The following ANKRD33 variants were observed in gnomAD, a reference collection of about 807,000 sequenced individuals.
The protein encoded by ANKRD33 is ankyrin repeat domain 33.
In ANKRD33, 20 loss-of-function variants were observed where a neutral mutation model predicts 20.6. The ratio of observed to expected loss-of-function variants is 0.97; its 90% CI spans 0.68 to 1.41. The LOEUF (loss-of-function observed/expected upper bound fraction) is 1.41, where lower values mean the gene tolerates loss of function less well. Ranked by LOEUF, ANKRD33 falls within the 40% of genes most tolerant of loss-of-function variation. ANKRD33 has a pLI of 0.00. For synonymous variants in ANKRD33, 246 were observed against 245.0 expected, an observed-to-expected ratio of 1.00 and a Z score of -0.04; for missense variants, 545 against 579.6, an observed-to-expected ratio of 0.94 and a Z score of 0.61.
Position 51,890,820 on chromosome 12 carries a change from A to G in ANKRD33, c.874A>G (p.Ser292Gly), listed in dbSNP as rs772200555. 2 of 1,610,180 alleles carry G rather than the reference A, an allele frequency of 1.2e-6. No homozygotes were observed. Among genetic ancestry groups the G allele is most frequent in the South Asian group, 2.2e-5 (2 of 90,974 alleles). Residue 292 changes from serine to glycine, a missense_variant, in exon 5 of 5, where the codon AGC becomes GGC. Transcript: ENST00000301190. ...SLLERLQATL[S>G]LPFAPSPQEG... is the part of the protein sequence containing the mutation. Reference sequence around the variant, plus strand: ...CCTAGAACGGCTGCAGGCTACCTTGAGCCTCCCCTTTGCCCCGTCTCCTCA... The same window carrying G: ...CCTAGAACGGCTGCAGGCTACCTTGGGCCTCCCCTTTGCCCCGTCTCCTCA...
At position 51,888,294 on chromosome 12, in the gene ANKRD33, C is replaced by T. The variant is rs79384471; in HGVS notation, c.108C>T (p.Pro36=). Residue 36 remains proline, a synonymous_variant, in exon 1 of 5, where the codon CCC becomes CCT. Transcript: ENST00000301190. The part of the protein sequence containing the change: ...VIVLRGAWAV[P]RVDCLIDTLR... ...TGCTCCGCGGAGCCTGGGCTGTGCC[C>T]CGCGTTGACTGCCTCATAGATACCC... The T allele has an allele frequency of 1.2e-6, 2 of 1,614,180 alleles. No homozygotes were observed. Among genetic ancestry groups the T allele is most frequent in the South Asian group, 1.1e-5 (1 of 91,090 alleles).
chr12:51,888,412 T>G, intron 1 of ANKRD33, 81 bp downstream of exon 1: 1 of 1,592,762 alleles, frequency 6.3e-7, no homozygotes, highest in Admixed American at 1.8e-5. Context: ...TTAGGGCTCC[T>G]GACCCAGCGC....
In ANKRD33 at chr12:51,891,222, C is replaced by T. The variant is rs375882865; in HGVS notation, c.1276C>T (p.Leu426=). ...PKPSPSGHQS[L]ALPLWRYQEL... is the part of the protein sequence containing the mutation. ...GCCCAGTCCTTCAGGACACCAAAGT[C>T]TGGCCCTTCCTCTCTGGCGATACCA... The change falls in exon 5 of 5, where the codon CTG becomes TTG. Residue 426 remains leucine (L), a synonymous_variant. Transcript: ENST00000301190. The T allele has an allele frequency of 1.2e-6, 2 of 1,614,264 alleles. No individual in the cohort carries two copies. The highest frequency in any genetic ancestry group is 2.7e-5 in the African/African-American group (2 of 75,066).
Position 51,891,236 on chromosome 12 carries a change from C to A in ANKRD33, c.1290C>A (p.Leu430=). The A allele has an allele frequency of 6.2e-7, 1 of 1,614,252 alleles. No individual in the cohort carries two copies. The highest frequency in any genetic ancestry group is 1.1e-5 in the South Asian group (1 of 91,088). Residue 430 remains leucine (L), a synonymous_variant, in exon 5 of 5, where the codon CTC becomes CTA. Transcript: ENST00000301190. ...PSGHQSLALP[L]WRYQELRIEK... ...GACACCAAAGTCTGGCCCTTCCTCT[C>A]TGGCGATACCAGGAGCTCAGGATAG...
chr12:51,888,375 T>G, intron 1 of ANKRD33, 44 bp downstream of exon 1: 1 of 1,612,120 alleles, frequency 6.2e-7, no homozygotes. Context: ...CTCACTGGGG[T>G]GCTGACCTAG....
In ANKRD33 at chr12:51,889,491, G is replaced by A. The variant is rs745430001; in HGVS notation, c.637+9G>A. ...TGCCATGCGGAACCGCTGTGAGTGC[G>A]TGGCCACCCTCCTCATGGCAGGTGT... On this transcript the variant is annotated intron_variant, in intron 4 of 4. Coordinates refer to ENST00000301190, the MANE Select transcript of ANKRD33 (RefSeq NM_182608.4). 9.9e-6 allele frequency: 16 copies of A among 1,613,154 alleles called. No individual in the cohort carries two copies. The highest frequency in any genetic ancestry group is 5.5e-5 in the South Asian group (5 of 90,994).
intron 4 of ANKRD33, 54 bp downstream of exon 4, chr12:51,889,536 G>A: frequency 6.3e-7 from 1 of 1,595,730 alleles, no homozygotes; most frequent in East Asian, 2.3e-5. Flanking sequence ...GGACCGGGGT[G>A]TGTGGCCTCC....
In ANKRD33 at chr12:51,888,809, C is replaced by T. The variant is rs2139034999; in HGVS notation, c.387C>T (p.Ser129=). 6.2e-7 allele frequency: 1 copy of T among 1,613,296 alleles called. No homozygotes were observed. Among genetic ancestry groups the T allele is most frequent in the Non-Finnish European group, 8.5e-7 (1 of 1,179,920 alleles). Residue 129 remains serine (S), a synonymous_variant, in exon 2 of 5, where the codon AGC becomes AGT. Coordinates refer to ENST00000301190, the MANE Select transcript of ANKRD33 (RefSeq NM_182608.4). The part of the protein sequence containing the change: ...VSPEEATQVD[S]NGRTGLMVAC... ...CAGAGGAGGCCACCCAGGTGGACAG[C>T]AATGGGAGGGTGAGATGTCCTGGCT...
chr12:51,890,799 G>A lies in ANKRD33; in HGVS notation c.853G>A (p.Glu285Lys), dbSNP rs1678769156. ...GGCCCAGGTTGCCCCTTCACTCCTA[G>A]AACGGCTGCAGGCTACCTTGAGCCT... ...AQAQVAPSLL[E>K]RLQATLSLPF... Residue 285 changes from glutamate (E) to lysine (K), a missense_variant, in exon 5 of 5, where the codon GAA (glutamate) becomes AAA (lysine). Transcript: ENST00000301190. The A allele has an allele frequency of 1.9e-6, 3 of 1,607,270 alleles. No individual in the cohort carries two copies. In the South Asian group the frequency reaches 3.3e-5, roughly 18 times the overall value.
intron 4 of ANKRD33, chr12:51,889,775 A>C: frequency 2.0e-6 from 1 of 497,464 alleles, no homozygotes; most frequent in Non-Finnish European, 3.4e-6. Flanking sequence ...TGGAAAATCT[A>C]ACACGAAAAA....
At chr12:51,889,849 G>C (rs930332566) in intron 4 of ANKRD33, 4 of 298,490 alleles carry the variant, frequency 1.3e-5, no homozygotes, top group African/African-American at 8.7e-5. Flanking sequence ...GGCCTCACCA[G>C]TATTGTGAGG....
chr12:51,889,569 A>T (rs1408270845), intron 4 of ANKRD33, 87 bp downstream of exon 4: 1 of 1,528,108 alleles, frequency 6.5e-7, no homozygotes, highest in African/African-American at 1.4e-5. Flanking sequence ...AAGCCTTCCC[A>T]CCAGACACTA....
At position 51,891,100 on chromosome 12, in the gene ANKRD33, AG is replaced by A; in HGVS notation, c.1155del (p.Gln385HisfsTer54). 6.2e-7 allele frequency: 1 copy of A among 1,613,564 alleles called. No homozygotes were observed. Among genetic ancestry groups the A allele is most frequent in the Non-Finnish European group, 8.5e-7 (1 of 1,179,896 alleles). On this transcript the variant is annotated frameshift_variant, in exon 5 of 5. Transcript: ENST00000301190. LOFTEE classifies it low-confidence loss of function (END_TRUNC). Reference protein sequence around the residue: ...SPQGILSKCLQWLQPRDSTSP... With the variant: ...SPQGILSKCLXWLQPRDSTSP... ...CAGGGCATATTGAGCAAGTGCCTTC[AG>A]TGGCTACAACCCAGGGATAGCACCA...
chr12:51,891,424 C>T lies in ANKRD33; in HGVS notation c.*119C>T. 2.2e-6 allele frequency: 3 copies of T among 1,354,482 alleles called. No individual in the cohort carries two copies. The African/African-American group carries it at 4.5e-5, about 20-fold the overall frequency. 83.9% of individuals were successfully genotyped at this position (1,354,482 alleles called of 1,614,324 possible). A position where few individuals can be genotyped will look rare whatever the true frequency, so the allele number is the denominator to read the frequency against. On this transcript the variant is annotated 3_prime_UTR_variant, in exon 5 of 5. Coordinates refer to ENST00000301190, the MANE Select transcript of ANKRD33 (RefSeq NM_182608.4). ...TCTGCCTAAGTAAATCTGCTCTCAA[C>T]CTATATATATACAAGGTCATTCATT...
chr12:51,888,904 C>G, intron 2 of ANKRD33, 86 bp downstream of exon 2: 3 of 1,594,222 alleles, frequency 1.9e-6, no homozygotes, highest in Non-Finnish European at 2.6e-6. Flanking sequence ...GAGAGGGGTT[C>G]AGGGGCAATA....
In ANKRD33 at chr12:51,891,507, G is replaced by C; in HGVS notation, c.*202G>C. On this transcript the variant is annotated 3_prime_UTR_variant, in exon 5 of 5. Transcript: ENST00000301190. ...ACACCCGAAGTGTCCATCAGTAAGG[G>C]ACAGGCTAGATTGATTACGGATGTA... is the stretch of plus-strand genomic sequence containing the variant. The C allele has an allele frequency of 1.2e-6, 1 of 850,220 alleles. No homozygotes were observed. The highest frequency in any genetic ancestry group is 1.9e-5 in the South Asian group (1 of 53,570). 52.7% of individuals were successfully genotyped at this position (850,220 alleles called of 1,614,324 possible).
rs762391609 is a variant in ANKRD33, at chr12:51,890,729, C to T, written c.783C>T (p.Pro261=). Reference sequence around the variant, plus strand: ...AGCAGCTTAGCCAGCACTACAAGCCCGAGTGGCCGGCCTTGTCCGGGCTCG... The same window carrying T: ...AGCAGCTTAGCCAGCACTACAAGCCTGAGTGGCCGGCCTTGTCCGGGCTCG... The part of the protein sequence containing the change: ...QVEQLSQHYK[P]EWPALSGLVA... The change falls in exon 5 of 5, where the codon CCC becomes CCT. Residue 261 remains proline (P), a synonymous_variant. Coordinates refer to ENST00000301190, the MANE Select transcript of ANKRD33 (RefSeq NM_182608.4). 12 of 1,603,908 alleles carry T rather than the reference C, an allele frequency of 7.5e-6. No homozygotes were observed. Among genetic ancestry groups the T allele is most frequent in the Admixed American group, 1.7e-5 (1 of 59,994 alleles).
chr12:51,889,595 T>A, intron 4 of ANKRD33, 113 bp downstream of exon 4: 1 of 1,476,668 alleles, frequency 6.8e-7, no homozygotes, highest in South Asian at 1.4e-5. Flanking sequence ...GCTGTGATTA[T>A]TTGCAGAAAG....
Position 51,888,668 on chromosome 12 carries a change from G to A in ANKRD33, c.246G>A (p.Leu82=). Residue 82 remains leucine (L), a synonymous_variant, in exon 2 of 5, where the codon CTG becomes CTA. Transcript: ENST00000301190. ...GACGGCTGGACATGTCTGAGGCACT[G>A]CCCTGCCCGGGCAAGGAGACCCCCA... is the stretch of plus-strand genomic sequence containing the variant. ...HRRRLDMSEA[L]PCPGKETPTP... The A allele has an allele frequency of 6.2e-7, 1 of 1,611,756 alleles. No individual in the cohort carries two copies. The highest frequency in any genetic ancestry group is 1.1e-5 in the South Asian group (1 of 90,742).
Sources: gnomAD v4.1 joint callset for allele counts on GRCh38, gnomAD v4.1.1 for gene constraint, MANE v1.5 for transcripts, NCBI Gene and HGNC (gene_info 2026-07-23, HGNC 2026-07-21) for gene names.